LRP1B: variants seen among roughly 807,000 people sequenced by gnomAD.
LRP1B encodes the protein LDL receptor related protein 1B.
A neutral mutation model predicts 556.6 loss-of-function variants in LRP1B; 217 were observed. That is an observed-to-expected ratio of 0.39 (90% CI 0.35 to 0.44). The LOEUF (loss-of-function observed/expected upper bound fraction) is 0.44, where lower values mean the gene tolerates loss of function less well. LRP1B is among the 20% of genes least tolerant of loss of function. The probability of loss-of-function intolerance (pLI) is 1.00; values close to 1 mark genes in which losing one functional copy is unlikely to be tolerated. For missense variants in LRP1B, 5,053 were observed against 5,620.8 expected (o/e 0.90, Z 3.23); for synonymous variants, 2,047 against 1,865.8 (o/e 1.10, Z -2.50).
At chr2:140,934,872 G>A (rs893478061) in intron 20 of LRP1B, among the ~76,000 whole-genome samples, 1 of 152,132 alleles carries the variant, frequency 6.6e-6, no homozygotes, top group African/African-American at 2.4e-5. Context: ...CCTTTTGGGA[G>A]CTAGATATAA....
chr2:140,973,395 T>G (rs558237135), intron 18 of LRP1B, among the ~76,000 whole-genome samples: 1 of 152,042 alleles, frequency 6.6e-6, no homozygotes, highest in South Asian at 2.1e-4. Context: ...ACTGCAAAAT[T>G]ACAAAAAAGT....
chr2:141,101,382 C>G (rs1376308209), intron 7 of LRP1B, among the ~76,000 whole-genome samples: 1 of 152,026 alleles, frequency 6.6e-6, no homozygotes, highest in Non-Finnish European at 1.5e-5. Flanking sequence ...CCACATGAGT[C>G]TATTATACTG....
chr2:140,922,627 G>T (rs973081657), intron 21 of LRP1B, among the ~76,000 whole-genome samples: 10 of 151,920 alleles, frequency 6.6e-5, no homozygotes, highest in Admixed American at 2.0e-4. Flanking sequence ...CTGTATTCCA[G>T]ATTGCCTGGT....
chr2:140,793,620 G>A (rs1271459503), intron 32 of LRP1B, among the ~76,000 whole-genome samples: 2 of 151,864 alleles, frequency 1.3e-5, no homozygotes, highest in South Asian at 2.1e-4. Flanking sequence ...GATCTTTAGT[G>A]TTCTCATTTG....
chr2:141,732,595 T>C (rs919067472), intron 2 of LRP1B, among the ~76,000 whole-genome samples: 1 of 152,130 alleles, frequency 6.6e-6, no homozygotes, highest in Non-Finnish European at 1.5e-5. Context: ...TAATTTCTGC[T>C]TGCAGTCGAT....
intron 43 of LRP1B, among the ~76,000 whole-genome samples, chr2:140,553,730 G>A (rs192953169): frequency 2.6e-5 from 4 of 152,000 alleles, no homozygotes; most frequent in East Asian, 1.9e-4. Flanking sequence ...GTATAGGGAC[G>A]CCATAAGTGA....
rs915813300 is a variant in LRP1B at position 140,811,040 on chromosome 2, GT to G, written c.5359+2616del. ...GTAAGCCACTGTGCCCGGCCAAGAG[GT>G]TTTTTTTTGTTTTTGTTTTTTGTTT... On this transcript the variant is annotated intron_variant, in intron 32 of 90. Coordinates refer to ENST00000389484, the MANE Select transcript of LRP1B (RefSeq NM_018557.3). 4.1e-3 allele frequency among the ~76,000 whole-genome samples: 614 copies of G among 151,446 alleles called. 7 individuals are homozygous for G. Among genetic ancestry groups the G allele is most frequent in the African/African-American group, 0.014 (579 of 41,304 alleles).
chr2:140,370,695 A>G lies in LRP1B; in HGVS notation c.11008+15T>C. 1 of 1,611,746 alleles carries G rather than the reference A, an allele frequency of 6.2e-7. No homozygotes were observed. Among genetic ancestry groups the G allele is most frequent in the Non-Finnish European group, 8.5e-7 (1 of 1,178,528 alleles). Reference sequence around the variant, plus strand: ...TTCTCTCATTTACAGGCACACACACACAAAAATACCTTACCTCTTTCACAG... The same window carrying G: ...TTCTCTCATTTACAGGCACACACACGCAAAAATACCTTACCTCTTTCACAG... On this transcript the variant is annotated intron_variant, in intron 71 of 90. Coordinates refer to ENST00000389484, the MANE Select transcript of LRP1B (RefSeq NM_018557.3).
At chr2:141,964,499 A>G (rs976768535) in intron 1 of LRP1B, among the ~76,000 whole-genome samples, 29 of 151,492 alleles carry the variant, frequency 1.9e-4, no homozygotes, top group Non-Finnish European at 4.3e-4. Context: ...TGGGGAAAGG[A>G]TTCCCTATTT....
chr2:141,457,668 A>G (rs1681685286), intron 3 of LRP1B, among the ~76,000 whole-genome samples: 1 of 152,214 alleles, frequency 6.6e-6, no homozygotes, highest in African/African-American at 2.4e-5. Flanking sequence ...CACCTATGTG[A>G]AATACATAGG....
intron 45 of LRP1B, 124 bp from the exon 46 acceptor site, chr2:140,536,833 A>T: frequency 1.3e-6 from 1 of 743,758 alleles, no homozygotes; most frequent in Admixed American, 3.0e-5. Flanking sequence ...ATGTACAATT[A>T]AAGAGCAATG....
At chr2:141,658,602 G>A (rs1284792111) in intron 2 of LRP1B, among the ~76,000 whole-genome samples, 4 of 152,092 alleles carry the variant, frequency 2.6e-5, no homozygotes, top group South Asian at 2.1e-4. Context: ...TACAACTCCC[G>A]CTGCATGAGA....
At position 140,291,318 on chromosome 2, in the gene LRP1B, A is replaced by ATATATATATATTTTTTT. The variant is rs369391920; in HGVS notation, c.12967+6489_12967+6490insAAAAAAATATATATATA. Among the ~76,000 whole-genome samples, 21 of 109,314 alleles carry ATATATATATATTTTTTT rather than the reference A, an allele frequency of 1.9e-4. No homozygotes were observed. The South Asian group carries it at 1.9e-3, about 10-fold the overall frequency. The allele number at this position is 109,314 out of a possible 152,430, so 71.7% of individuals were successfully genotyped here. On this transcript the variant is annotated intron_variant, in intron 84 of 90. Coordinates refer to ENST00000389484, the MANE Select transcript of LRP1B (RefSeq NM_018557.3). ...TTATTTTATATATATATATATATATATTTTTATTATACTTTAAGTTCTAGG... is the reference window on the plus strand; with the variant it reads ...TTATTTTATATATATATATATATATATATATATATATTTTTTTTTTTTATTATACTTTAAGTTCTAGG...
At chr2:141,684,982 G>A (rs1691243765) in intron 2 of LRP1B, among the ~76,000 whole-genome samples, 1 of 152,106 alleles carries the variant, frequency 6.6e-6, no homozygotes, top group African/African-American at 2.4e-5. Context: ...GCACTCCCAG[G>A]TGAGGTAGGC....
chr2:140,600,109 ATAAT>A (rs1267482609), intron 42 of LRP1B, among the ~76,000 whole-genome samples: 1 of 152,160 alleles, frequency 6.6e-6, no homozygotes, highest in African/African-American at 2.4e-5. Context: ...TATGTAATAA[ATAAT>A]TACAGGATAA....
At chr2:141,215,359 T>G (rs1244060741) in intron 6 of LRP1B, among the ~76,000 whole-genome samples, 10 of 152,208 alleles carry the variant, frequency 6.6e-5, no homozygotes, top group Non-Finnish European at 1.5e-4. Flanking sequence ...CTCTGGTATT[T>G]CTTTGTAGCA....
chr2:140,375,806 T>C (rs1296563326), intron 68 of LRP1B, among the ~76,000 whole-genome samples: 2 of 152,138 alleles, frequency 1.3e-5, no homozygotes, highest in Non-Finnish European at 2.9e-5. Flanking sequence ...CTTTAAGTAA[T>C]CATTTTCTGT....
chr2:142,046,139 C>T (rs997660283), intron 1 of LRP1B, among the ~76,000 whole-genome samples: 1 of 151,930 alleles, frequency 6.6e-6, no homozygotes, highest in Non-Finnish European at 1.5e-5. Context: ...GTCTCCTTGT[C>T]TCTTTGTTCA....
chr2:142,077,157 C>CT (rs1705531942), intron 1 of LRP1B, among the ~76,000 whole-genome samples: 1 of 151,962 alleles, frequency 6.6e-6, no homozygotes, highest in Admixed American at 6.6e-5. Context: ...TCATCTTTAC[C>CT]TAAAACATGA....
Sources: gnomAD v4.1 joint callset for allele counts (sites outside exome capture counted in the v4.1 genomes callset) on GRCh38, gnomAD v4.1.1 for gene constraint, MANE v1.5 for transcripts, NCBI Gene and HGNC (gene_info 2026-07-23, HGNC 2026-07-21) for gene names.